R3HDM2: variants seen among roughly 807,000 people sequenced by gnomAD.
R3HDM2 encodes the protein R3H domain containing 2.
A neutral mutation model predicts 124.5 loss-of-function variants in R3HDM2; 38 were observed. The observed-to-expected ratio is 0.31, with a 90% CI of 0.24 to 0.40. R3HDM2 has a LOEUF of 0.40. Ranked by LOEUF, R3HDM2 falls within the 10% of genes least tolerant of loss-of-function variation. The pLI is 1.00. For synonymous variants in R3HDM2, 391 were observed against 448.0 expected, an observed-to-expected ratio of 0.87 and a Z score of 1.61; for missense variants, 869 against 1,236.9, an observed-to-expected ratio of 0.70 and a Z score of 4.46.
At chr12:57,307,745 C>G (rs966187382) in intron 3 of R3HDM2, among the ~76,000 whole-genome samples, 10 of 151,494 alleles carry the variant, frequency 6.6e-5, no homozygotes, top group Non-Finnish European at 1.2e-4. Flanking sequence ...CCTGCTTTAG[C>G]CTCCCAAGTA....
At chr12:57,358,893 G>A (rs1443482556) in intron 2 of R3HDM2, among the ~76,000 whole-genome samples, 1 of 151,110 alleles carries the variant, frequency 6.6e-6, no homozygotes, top group African/African-American at 2.4e-5. Flanking sequence ...GAGACTACAG[G>A]CACATGCCAC....
chr12:57,400,921 G>A (rs965344612), intron 1 of R3HDM2, among the ~76,000 whole-genome samples: 2 of 152,074 alleles, frequency 1.3e-5, no homozygotes, highest in Admixed American at 1.3e-4. Context: ...TAGTTGCTAA[G>A]CTGGGACCTG....
At chr12:57,377,833 ATC>A (rs2064296305) in intron 2 of R3HDM2, among the ~76,000 whole-genome samples, 1 of 152,168 alleles carries the variant, frequency 6.6e-6, no homozygotes, top group Admixed American at 6.5e-5. Flanking sequence ...CACACCTGTA[ATC>A]TCAGAAGTTT....
chr12:57,288,981 A>G, intron 12 of R3HDM2, 28 bp downstream of exon 12: 2 of 1,548,004 alleles, frequency 1.3e-6, no homozygotes, highest in East Asian at 2.4e-5. Context: ...CTCAATGAGA[A>G]GCAGGGAACA....
intron 1 of R3HDM2, among the ~76,000 whole-genome samples, chr12:57,409,512 CAAAAAAAAAAAAAGAAAAA>C (rs1296945869): frequency 2.0e-5 from 2 of 98,200 alleles, no homozygotes; most frequent in Non-Finnish European, 4.2e-5. Flanking sequence ...AGAGGTGGGG[CAAAAAAAAAAAAAGAAAAA>C]GAAAAAAAAA....
chr12:57,374,083 G>A (rs1001120805), intron 2 of R3HDM2, among the ~76,000 whole-genome samples: 1 of 151,796 alleles, frequency 6.6e-6, no homozygotes, highest in African/African-American at 2.4e-5. Flanking sequence ...AGATGAGATC[G>A]CACCACTGCA....
At position 57,279,178 on chromosome 12, in the gene R3HDM2, C is replaced by CT. The variant is rs1212781487; in HGVS notation, c.1344+1179dup. Among the ~76,000 whole-genome samples, 852 of 114,886 alleles carry CT rather than the reference C, an allele frequency of 7.4e-3. 8 individuals are homozygous for CT. Among genetic ancestry groups the CT allele is most frequent in the Admixed American group, 0.019 (211 of 11,284 alleles). The allele number at this position is 114,886 out of a possible 152,430, so 75.4% of individuals were successfully genotyped here. A position where few individuals can be genotyped will look rare whatever the true frequency, so the allele number is the denominator to read the frequency against. On this transcript the variant is annotated intron_variant, in intron 14 of 23. Transcript: ENST00000402412. ...AGCTCTGCTCGGAGTATTAAGGTGACTTTTTTTTTTTTTTTTTTTTTTGAG... is the reference window on the plus strand; with the variant it reads ...AGCTCTGCTCGGAGTATTAAGGTGACTTTTTTTTTTTTTTTTTTTTTTTGAG...
At chr12:57,337,139 TTTGTTG>T (rs528126049) in intron 2 of R3HDM2, among the ~76,000 whole-genome samples, 1,909 of 151,338 alleles carry the variant, frequency 0.013, 24 homozygotes, top group Middle Eastern at 0.027. Context: ...TTTCTCTCTT[TTTGTTG>T]TTGTTGTTGT....
At chr12:57,424,161 A>C (rs1369730847) in intron 1 of R3HDM2, among the ~76,000 whole-genome samples, 1 of 149,936 alleles carries the variant, frequency 6.7e-6, no homozygotes. Flanking sequence ...ACTGTAAGTG[A>C]ACACTTCTCA....
In R3HDM2 at chr12:57,300,134, C is replaced by T; in HGVS notation, c.255G>A (p.Glu85=). The part of the protein sequence containing the change: ...KLVRSLAVCE[E]SSTPFADGPL... The stretch of plus-strand genomic sequence containing the variant: ...GCCCATCAGCAAATGGGGTGGAGGA[C>T]TCCTCACACACTGCCAGGCTACGCA... Residue 85 remains glutamate (E), a synonymous_variant, in exon 5 of 24, where the codon GAG becomes GAA. Coordinates refer to ENST00000402412, the MANE Select transcript of R3HDM2 (RefSeq NM_001394031.1). The T allele has an allele frequency of 4.5e-6, 7 of 1,551,674 alleles. No homozygotes were observed. The highest frequency in any genetic ancestry group is 4.4e-6 in the Non-Finnish European group (5 of 1,146,938).
chr12:57,378,451 T>C (rs934328056), intron 2 of R3HDM2, among the ~76,000 whole-genome samples: 2 of 152,108 alleles, frequency 1.3e-5, no homozygotes, highest in Non-Finnish European at 2.9e-5. Context: ...GCACTCAAGA[T>C]TCACTGCAGC....
intron 14 of R3HDM2, among the ~76,000 whole-genome samples, chr12:57,278,291 G>A (rs1245657933): frequency 6.6e-6 from 1 of 152,162 alleles, no homozygotes; most frequent in East Asian, 1.9e-4. Flanking sequence ...GACAGAACCT[G>A]AGTAGAAGAT....
chr12:57,294,009 C>T (rs1336771925), intron 10 of R3HDM2, among the ~76,000 whole-genome samples: 1 of 152,036 alleles, frequency 6.6e-6, no homozygotes, highest in African/African-American at 2.4e-5. Flanking sequence ...CTGCCACCTC[C>T]CAGTAATATA....
chr12:57,382,397 C>A (rs1198521943), intron 2 of R3HDM2, among the ~76,000 whole-genome samples: 1 of 151,744 alleles, frequency 6.6e-6, no homozygotes, highest in African/African-American at 2.4e-5. Context: ...TAGGCATGCA[C>A]CAACATGCCC....
chr12:57,337,440 C>T (rs2058999992), intron 2 of R3HDM2, among the ~76,000 whole-genome samples: 1 of 151,966 alleles, frequency 6.6e-6, no homozygotes, highest in African/African-American at 2.4e-5. Flanking sequence ...TATGAGCCAC[C>T]GTGCCCAGCC....
chr12:57,284,050 G>A lies in R3HDM2; in HGVS notation c.945C>T (p.Asn315=), dbSNP rs1188652799. 7 of 1,595,484 alleles carry A rather than the reference G, an allele frequency of 4.4e-6. No homozygotes were observed. The highest frequency in any genetic ancestry group is 6.0e-6 in the Non-Finnish European group (7 of 1,171,208). The change falls in exon 13 of 24, where the codon AAC becomes AAT. Residue 315 remains asparagine (N), a synonymous_variant. Transcript: ENST00000402412. ...QNGYLNDIRG[N]REGLSRTSSS... The stretch of plus-strand genomic sequence containing the variant: ...TTGAGGTGCGGCTCAGTCCTTCACG[G>A]TTCCCCCTGCAGAGACCATAGTGGT...
intron 1 of R3HDM2, among the ~76,000 whole-genome samples, chr12:57,408,559 T>C (rs1160306635): frequency 6.6e-6 from 1 of 152,068 alleles, no homozygotes; most frequent in Admixed American, 6.6e-5. Context: ...GGTTAAACCC[T>C]GTCTCTATTT....
At chr12:57,400,816 T>C (rs1251759542) in intron 1 of R3HDM2, among the ~76,000 whole-genome samples, 2 of 152,102 alleles carry the variant, frequency 1.3e-5, no homozygotes, top group Admixed American at 1.3e-4. Context: ...CCTCAGAAAT[T>C]GCCAATTTTT....
intron 13 of R3HDM2, among the ~76,000 whole-genome samples, chr12:57,281,914 G>A (rs1364269505): frequency 2.0e-5 from 3 of 152,214 alleles, no homozygotes; most frequent in Non-Finnish European, 4.4e-5. Flanking sequence ...AAAACTCCTG[G>A]GAGGGTCAGG....
Sources: gnomAD v4.1 joint callset for allele counts (sites outside exome capture counted in the v4.1 genomes callset) on GRCh38, gnomAD v4.1.1 for gene constraint, MANE v1.5 for transcripts, NCBI Gene and HGNC (gene_info 2026-07-23, HGNC 2026-07-21) for gene names.